The following SHPK variants were observed in gnomAD, a reference collection of about 807,000 sequenced individuals.
The protein encoded by SHPK is carbohydrate kinase-like protein.
Under a neutral mutation model 46.3 loss-of-function variants are expected in SHPK, and 51 were observed. The observed-to-expected ratio is 1.10, with a 90% CI of 0.88 to 1.39. The LOEUF (loss-of-function observed/expected upper bound fraction) is 1.39, where lower values mean the gene tolerates loss of function less well. SHPK is among the 40% of genes most tolerant of loss of function. The pLI is 0.00. For synonymous variants in SHPK, 290 were observed against 273.9 expected (o/e 1.06, Z -0.58); for missense variants, 668 against 641.3 (o/e 1.04, Z -0.45).
rs200409901 is a variant in SHPK at position 3,636,193 on chromosome 17, G to A, written c.27C>T (p.Gly9=). The change falls in exon 1 of 7, where the codon GGC becomes GGT. Residue 9 remains glycine (G), a synonymous_variant. Coordinates refer to ENST00000225519, the MANE Select transcript of SHPK (RefSeq NM_013276.4). ...TCACAGATGTGGTGCCCAGGTCAAT[G>A]CCGAGGGTGATCGGCCGCGCAGCCA... is the stretch of plus-strand genomic sequence containing the variant. The part of the protein sequence containing the change: MAARPITL[G]IDLGTTSVKA... The A allele has an allele frequency of 1.2e-6, 2 of 1,607,242 alleles. No individual in the cohort carries two copies. Among genetic ancestry groups the A allele is most frequent in the South Asian group, 2.2e-5 (2 of 90,612 alleles).
chr17:3,614,026 G>C (rs1467305515), intron 6 of SHPK, among the ~76,000 whole-genome samples: 1 of 152,212 alleles, frequency 6.6e-6, no homozygotes, highest in East Asian at 1.9e-4. Flanking sequence ...AGCTCCCCCA[G>C]TCTATTTAGT....
chr17:3,634,167 G>C (rs1366540464), intron 1 of SHPK, among the ~76,000 whole-genome samples: 1 of 147,534 alleles, frequency 6.8e-6, no homozygotes, highest in African/African-American at 2.5e-5. Flanking sequence ...GAAAACCAGA[G>C]ACCTTTGTTC....
In SHPK at chr17:3,631,438, T is replaced by C. The variant is rs546796258; in HGVS notation, c.169-1092A>G. 3.3e-5 allele frequency among the ~76,000 whole-genome samples: 5 copies of C among 150,382 alleles called. No individual in the cohort carries two copies. In the South Asian group the frequency reaches 1.1e-3, roughly 32 times the overall value. ...GTTAGCCACTTGTGGCTAGTCTGAA[T>C]TGACATGTAAATGTAAAACATGCAC... On this transcript the variant is annotated intron_variant, in intron 1 of 6. Transcript: ENST00000225519.
At position 3,610,915 on chromosome 17, in the gene SHPK, T is replaced by C; in HGVS notation, c.1082A>G (p.Gln361Arg). ...YSRMIQAAVQ[Q>R]RDTHLTITPT... ...GGTGATGGTCAGGTGGGTATCTCTCTGCTGCACAGCTGCCTGAATCATGCG... is the reference window on the plus strand; with the variant it reads ...GGTGATGGTCAGGTGGGTATCTCTCCGCTGCACAGCTGCCTGAATCATGCG... Residue 361 changes from glutamine (Q) to arginine (R), a missense_variant, in exon 7 of 7, where the codon CAG becomes CGG. Coordinates refer to ENST00000225519, the MANE Select transcript of SHPK (RefSeq NM_013276.4). 1 of 1,613,900 alleles carries C rather than the reference T, an allele frequency of 6.2e-7. No individual in the cohort carries two copies. Among genetic ancestry groups the C allele is most frequent in the Non-Finnish European group, 8.5e-7 (1 of 1,179,904 alleles).
At chr17:3,631,284 G>T (rs949013193) in intron 1 of SHPK, among the ~76,000 whole-genome samples, 1 of 151,188 alleles carries the variant, frequency 6.6e-6, no homozygotes, top group Non-Finnish European at 1.5e-5. Flanking sequence ...GCACAGAGGA[G>T]CCAGGTGGCT....
intron 6 of SHPK, among the ~76,000 whole-genome samples, chr17:3,611,993 A>C (rs2075342914): frequency 6.6e-6 from 1 of 151,548 alleles, no homozygotes; most frequent in Admixed American, 6.6e-5. Flanking sequence ...TAGTAGAGAC[A>C]AGGTTTTACT....
In SHPK at chr17:3,610,605, T is replaced by C. The variant is rs1008225767; in HGVS notation, c.1392A>G (p.Ala464=). 2 of 1,613,194 alleles carry C rather than the reference T, an allele frequency of 1.2e-6. No individual in the cohort carries two copies. The highest frequency in any genetic ancestry group is 2.7e-5 in the African/African-American group (2 of 74,910). ...FGQDVDAAVG[A]ALVMLRRHLN... The stretch of plus-strand genomic sequence containing the variant: ...GGTGTCTCCGGAGCATGACCAGAGC[T>C]GCCCCGACAGCTGCATCCACATCCT... Residue 464 remains alanine (A), a synonymous_variant, in exon 7 of 7, where the codon GCA becomes GCG. Coordinates refer to ENST00000225519, the MANE Select transcript of SHPK (RefSeq NM_013276.4).
At chr17:3,627,016 T>C (rs1437358364) in intron 2 of SHPK, among the ~76,000 whole-genome samples, 2 of 152,354 alleles carry the variant, frequency 1.3e-5, no homozygotes, top group East Asian at 1.9e-4. Context: ...GTTGTTTTCA[T>C]CCGCACAGCT....
rs1431234477 is a variant in SHPK at position 3,610,714 on chromosome 17, A to AT, written c.1282dup (p.Met428AsnfsTer11). ...CCTGGACAGCGCACTCCCACTGCCC[A>AT]TCACCCTCTCCACGCCCCACTCCTG... On this transcript the variant is annotated frameshift_variant, in exon 7 of 7. Transcript: ENST00000225519. LOFTEE classifies it high-confidence loss of function. The AT allele has an allele frequency of 6.2e-7, 1 of 1,613,960 alleles. No homozygotes were observed. The highest frequency in any genetic ancestry group is 1.3e-5 in the African/African-American group (1 of 74,916).
chr17:3,610,890 G>A lies in SHPK; in HGVS notation c.1107C>T (p.Thr369=), dbSNP rs776576139. ...VQQRDTHLTI[T]PTVLGERHLP... ...GGTGCCTCTCCCCCAGCACTGTCGGGGTGATGGTCAGGTGGGTATCTCTCT... is the reference window on the plus strand; with the variant it reads ...GGTGCCTCTCCCCCAGCACTGTCGGAGTGATGGTCAGGTGGGTATCTCTCT... The change falls in exon 7 of 7, where the codon ACC becomes ACT. Residue 369 remains threonine, a synonymous_variant. Coordinates refer to ENST00000225519, the MANE Select transcript of SHPK (RefSeq NM_013276.4). 6.2e-7 allele frequency: 1 copy of A among 1,613,996 alleles called. No individual in the cohort carries two copies. The highest frequency in any genetic ancestry group is 1.7e-5 in the Admixed American group (1 of 60,024).
At chr17:3,631,767 C>G (rs1357111587) in intron 1 of SHPK, among the ~76,000 whole-genome samples, 1 of 151,770 alleles carries the variant, frequency 6.6e-6, no homozygotes, top group East Asian at 1.9e-4. Flanking sequence ...AGGGATTCAC[C>G]CACCTCGGCC....
At chr17:3,623,222 TG>T in intron 4 of SHPK, 116 bp downstream of exon 4, 1 of 1,164,634 alleles carries the variant, frequency 8.6e-7, no homozygotes, top group Non-Finnish European at 1.3e-6. Flanking sequence ...ACCCTGATCC[TG>T]GCCTCTGGGA....
At chr17:3,627,361 C>A (rs1413178145) in intron 2 of SHPK, among the ~76,000 whole-genome samples, 1 of 152,164 alleles carries the variant, frequency 6.6e-6, no homozygotes, top group African/African-American at 2.4e-5. Flanking sequence ...CCAGCTCGCT[C>A]CGGGTGCCCT....
In SHPK at chr17:3,635,236, A is replaced by AGGAAGGAAG. The variant is rs1555556003; in HGVS notation, c.168+807_168+815dup. ...AAGGAAGGAAGGAAGGAAGGAAGGA[A>AGGAAGGAAG]GGAAGGAAGGGAAGGAAGGGAAGGA... On this transcript the variant is annotated intron_variant, in intron 1 of 6. Transcript: ENST00000225519. Among the ~76,000 whole-genome samples, 238 of 132,486 alleles carry AGGAAGGAAG rather than the reference A, an allele frequency of 1.8e-3. 1 individual carries two copies. The highest frequency in any genetic ancestry group is 5.8e-3 in the African/African-American group (222 of 38,582). The allele number at this position is 132,486 out of a possible 152,430, so 86.9% of individuals were successfully genotyped here.
chr17:3,636,245 G>T lies in SHPK; in HGVS notation c.-26C>A. The T allele has an allele frequency of 6.3e-7, 1 of 1,576,854 alleles. No individual in the cohort carries two copies. The highest frequency in any genetic ancestry group is 8.6e-7 in the Non-Finnish European group (1 of 1,157,338). On this transcript the variant is annotated 5_prime_UTR_variant, in exon 1 of 7. In the 5' UTR this introduces an upstream ATG that the reference lacks. Transcript: ENST00000225519. ...TATCTCCCTGACCCGCGCAGCTCCA[G>T]TCTGCAGCCAGCGGCCCCACAAGTC... is the stretch of plus-strand genomic sequence containing the variant.
rs773656680 is a variant in SHPK, at chr17:3,621,258, T to C, written c.802A>G (p.Met268Val). 2.3e-5 allele frequency: 37 copies of C among 1,613,406 alleles called. No homozygotes were observed. The highest frequency in any genetic ancestry group is 9.3e-5 in the African/African-American group (7 of 74,906). ...GDLQASVYSC[M>V]AQRTDAVLNI... is the part of the protein sequence containing the mutation. ...TTACCTGCATCTGTCCTCTGGGCCA[T>C]GCAGGAATAGACAGAGGCCTGTAAA... Residue 268 changes from methionine to valine, a missense_variant, in exon 5 of 7, where the codon ATG becomes GTG. Physicochemically the swap from Met to Val is conservative, Grantham distance 21 (BLOSUM62 1). Transcript: ENST00000225519.
intron 5 of SHPK, among the ~76,000 whole-genome samples, chr17:3,618,824 G>T (rs2075382839): frequency 1.3e-5 from 2 of 152,084 alleles, no homozygotes; most frequent in South Asian, 4.1e-4. Context: ...CATTTAGATG[G>T]TTTATACTTT....
At chr17:3,616,101 C>G (rs1403231741) in intron 5 of SHPK, among the ~76,000 whole-genome samples, 1 of 152,124 alleles carries the variant, frequency 6.6e-6, no homozygotes. Flanking sequence ...ATCCACCCAC[C>G]TCGGCCTCCC....
chr17:3,634,938 G>T (rs1389788321), intron 1 of SHPK, among the ~76,000 whole-genome samples: 1 of 152,068 alleles, frequency 6.6e-6, no homozygotes. Flanking sequence ...TTGGGAGGCT[G>T]AAGTGGGCAG....
Sources: allele counts gnomAD v4.1 joint callset (sites outside exome capture counted in the v4.1 genomes callset), GRCh38; gene constraint gnomAD v4.1.1; transcripts MANE v1.5; gene names NCBI Gene and HGNC (gene_info 2026-07-23, HGNC 2026-07-21).